The following SEL1L2 variants were observed in gnomAD, a reference collection of about 807,000 sequenced individuals.
SEL1L2 encodes the protein SEL1L2 adaptor subunit of SYVN1 ubiquitin ligase.
Under a neutral mutation model 98.8 loss-of-function variants are expected in SEL1L2, and 89 were observed. That is an observed-to-expected ratio of 0.90 (90% CI 0.76 to 1.07). The LOEUF is 1.07. Among genes scored for constraint, SEL1L2 ranks in the 50% least tolerant of loss-of-function variants. SEL1L2 has a pLI of 0.00. For synonymous variants in SEL1L2, 262 were observed against 278.5 expected (o/e 0.94, Z 0.59); for missense variants, 788 against 812.0 (o/e 0.97, Z 0.36).
intron 1 of SEL1L2, among the ~76,000 whole-genome samples, chr20:13,984,444 T>C (rs140292562): frequency 3.9e-5 from 6 of 152,348 alleles, no homozygotes; most frequent in African/African-American, 1.2e-4. Context: ...TTGTTGGCAA[T>C]TTCTATGTTC....
chr20:13,872,095 AGGT>A (rs760276142), intron 12 of SEL1L2, among the ~76,000 whole-genome samples: 9 of 152,226 alleles, frequency 5.9e-5, no homozygotes, highest in Non-Finnish European at 1.3e-4. Flanking sequence ...TATTTAAAAC[AGGT>A]GGTATAACTC....
chr20:13,941,569 G>A (rs2049777190), intron 2 of SEL1L2, among the ~76,000 whole-genome samples: 1 of 152,180 alleles, frequency 6.6e-6, no homozygotes, highest in African/African-American at 2.4e-5. Flanking sequence ...ATAACTTCTT[G>A]TTTTGGAGCG....
rs544335217 is a variant in SEL1L2, at chr20:13,870,592, T to C, written c.1105-389A>G. On this transcript the variant is annotated intron_variant, in intron 12 of 19. Transcript: ENST00000284951. ...TCAAAGGGGAGGGGCAGGTCAGACC[T>C]CTTAGAGTCCTGTCAAATGTGGTAA... Among the ~76,000 whole-genome samples, 71 of 152,212 alleles carry C rather than the reference T, an allele frequency of 4.7e-4. No homozygotes were observed. The South Asian group carries it at 0.013, about 29-fold the overall frequency.
At chr20:13,974,472 T>C (rs373964109) in intron 1 of SEL1L2, among the ~76,000 whole-genome samples, 12 of 89,548 alleles carry the variant, frequency 1.3e-4, no homozygotes, top group African/African-American at 4.5e-4. Flanking sequence ...TCTCTCTCTC[T>C]CTCTTTTTTT....
chr20:13,852,352 G>T (rs1034221646), intron 18 of SEL1L2, among the ~76,000 whole-genome samples: 2 of 152,122 alleles, frequency 1.3e-5, no homozygotes, highest in Non-Finnish European at 2.9e-5. Context: ...GTGGGGCTGG[G>T]GGGTGATGTG....
intron 2 of SEL1L2, among the ~76,000 whole-genome samples, chr20:13,949,795 T>C (rs970341489): frequency 6.6e-6 from 1 of 152,232 alleles, no homozygotes; most frequent in African/African-American, 2.4e-5. Flanking sequence ...AAACAAATGA[T>C]GATCAGACAA....
intron 2 of SEL1L2, among the ~76,000 whole-genome samples, chr20:13,932,738 T>C (rs576742673): frequency 6.6e-6 from 1 of 152,248 alleles, no homozygotes; most frequent in African/African-American, 2.4e-5. Flanking sequence ...GCCCTTTTTG[T>C]GAATTACTAC....
chr20:13,860,894 C>T (rs143212663), intron 17 of SEL1L2, among the ~76,000 whole-genome samples: 77 of 152,296 alleles, frequency 5.1e-4, no homozygotes, highest in African/African-American at 1.7e-3. Context: ...ACCCTACACC[C>T]GTTCCTCCAA....
At chr20:13,943,429 T>C (rs143954042) in intron 2 of SEL1L2, among the ~76,000 whole-genome samples, 1 of 151,474 alleles carries the variant, frequency 6.6e-6, no homozygotes, top group Non-Finnish European at 1.5e-5. Context: ...CATATAGCCA[T>C]GTCAACTTTT....
At chr20:13,923,473 G>T (rs1240760763) in intron 3 of SEL1L2, among the ~76,000 whole-genome samples, 1 of 152,164 alleles carries the variant, frequency 6.6e-6, no homozygotes, top group East Asian at 1.9e-4. Flanking sequence ...TACTTAAAAA[G>T]ATTATATATT....
chr20:13,897,459 C>T (rs35992528), intron 5 of SEL1L2, among the ~76,000 whole-genome samples: 13,670 of 152,160 alleles, frequency 0.09, 732 homozygotes, highest in African/African-American at 0.14. Flanking sequence ...TACAGTAAAA[C>T]AGCAATCTAT....
intron 5 of SEL1L2, among the ~76,000 whole-genome samples, chr20:13,900,843 T>C (rs978635566): frequency 3.9e-5 from 6 of 152,194 alleles, no homozygotes; most frequent in Non-Finnish European, 7.4e-5. Context: ...GGGGCTCACC[T>C]GGCAACAACC....
At chr20:13,887,739 A>C in intron 8 of SEL1L2, 30 bp downstream of exon 8, 1 of 1,408,760 alleles carries the variant, frequency 7.1e-7, no homozygotes, top group East Asian at 2.3e-5. Context: ...GCAACTGTTT[A>C]TTTTAAAATA....
intron 10 of SEL1L2, among the ~76,000 whole-genome samples, chr20:13,879,164 C>G (rs776514904): frequency 6.6e-5 from 10 of 152,074 alleles, no homozygotes; most frequent in Non-Finnish European, 1.3e-4. Context: ...GACAAGTCAC[C>G]AGTACAGAGG....
intron 5 of SEL1L2, among the ~76,000 whole-genome samples, chr20:13,904,329 G>T (rs1465081018): frequency 3.3e-5 from 5 of 152,180 alleles, no homozygotes; most frequent in South Asian, 2.1e-4. Context: ...AGGAGTTTGA[G>T]ACCAGCCTGG....
At chr20:13,928,741 T>A (rs1295125690) in intron 3 of SEL1L2, among the ~76,000 whole-genome samples, 2 of 152,232 alleles carry the variant, frequency 1.3e-5, no homozygotes, top group Non-Finnish European at 2.9e-5. Flanking sequence ...ATCAATAGGT[T>A]GGAATAATGG....
chr20:13,978,070 A>G (rs2051632556), intron 1 of SEL1L2, among the ~76,000 whole-genome samples: 1 of 152,200 alleles, frequency 6.6e-6, no homozygotes, highest in African/African-American at 2.4e-5. Context: ...AAAAGAACAA[A>G]GCTAGAGACA....
At chr20:13,968,029 AT>A (rs1324530032) in intron 1 of SEL1L2, among the ~76,000 whole-genome samples, 1 of 152,228 alleles carries the variant, frequency 6.6e-6, no homozygotes, top group Admixed American at 6.5e-5. Context: ...ATAAATTAAA[AT>A]ATAGTAGATG....
intron 2 of SEL1L2, among the ~76,000 whole-genome samples, chr20:13,935,414 AG>A (rs2049403636): frequency 6.6e-6 from 1 of 152,188 alleles, no homozygotes; most frequent in Non-Finnish European, 1.5e-5. Context: ...AAAAAGGGTA[AG>A]GGGAGGGAAG....
Sources: gnomAD v4.1 joint callset for allele counts (sites outside exome capture counted in the v4.1 genomes callset) on GRCh38, gnomAD v4.1.1 for gene constraint, MANE v1.5 for transcripts, NCBI Gene and HGNC (gene_info 2026-07-23, HGNC 2026-07-21) for gene names.